The following VAV2 variants were observed in gnomAD, a reference collection of about 807,000 sequenced individuals.
VAV2 encodes vav guanine nucleotide exchange factor 2.
VAV2 carries 67 observed loss-of-function variants against 132.5 expected under a neutral mutation model. The observed-to-expected ratio is 0.51, with a 90% confidence interval of 0.42 to 0.62. VAV2 has a LOEUF of 0.62. Among genes scored for constraint, VAV2 ranks in the 20% least tolerant of loss-of-function variants. The probability of loss-of-function intolerance (pLI) is 0.00; values close to 1 mark genes in which losing one functional copy is unlikely to be tolerated. For missense variants in VAV2, 938 were observed against 1,153.6 expected (o/e 0.81, Z 2.71); for synonymous variants, 492 against 443.5 (o/e 1.11, Z -1.37).
In VAV2 at chr9:133,969,308, A is replaced by G. The variant is rs1842250639; in HGVS notation, c.204+22767T>C. ...TAGAGAATACAACGAACAGGGAAGG[A>G]GGGAGGATCTGGAATTCAGTCTGTG... On this transcript the variant is annotated intron_variant, in intron 1 of 29. Transcript: ENST00000371850. The surrounding 1 kb of genome is among the most constrained non-coding windows in gnomAD (Gnocchi z 5.1). Among the ~76,000 whole-genome samples the G allele has an allele frequency of 6.6e-6, 1 of 152,178 alleles. No individual in the cohort carries two copies. Among genetic ancestry groups the G allele is most frequent in the Non-Finnish European group, 1.5e-5 (1 of 68,018 alleles).
intron 1 of VAV2, among the ~76,000 whole-genome samples, chr9:133,959,050 GGGCCCA>G (rs3837293): frequency 0.65 from 98,053 of 151,290 alleles, 31,900 homozygotes; most frequent in East Asian, 0.77. Context: ...ACAGCCCCAG[GGGCCCA>G]GGCCCAGGCA....
At chr9:133,963,523 G>T (rs1007066999) in intron 1 of VAV2, among the ~76,000 whole-genome samples, 2 of 152,230 alleles carry the variant, frequency 1.3e-5, no homozygotes, top group Non-Finnish European at 2.9e-5. Context: ...AGCTCTCAGG[G>T]TGGCTATCCC....
At chr9:133,846,390 C>T (rs975379490) in intron 3 of VAV2, among the ~76,000 whole-genome samples, 2 of 152,258 alleles carry the variant, frequency 1.3e-5, no homozygotes, top group Non-Finnish European at 2.9e-5. Flanking sequence ...CCACTCCCAC[C>T]TGGGCGTCCA....
intron 3 of VAV2, among the ~76,000 whole-genome samples, chr9:133,851,694 G>T (rs1233827957): frequency 6.6e-6 from 1 of 151,224 alleles, no homozygotes; most frequent in African/African-American, 2.4e-5. Flanking sequence ...ATGGATGGAT[G>T]GATGAGTGGA....
chr9:133,946,851 T>C (rs1232884206), intron 1 of VAV2, among the ~76,000 whole-genome samples: 1 of 152,200 alleles, frequency 6.6e-6, no homozygotes, highest in East Asian at 1.9e-4. Flanking sequence ...ATCAGGTAGA[T>C]AAACAGGTGA....
intron 3 of VAV2, among the ~76,000 whole-genome samples, chr9:133,848,390 GC>G (rs1446121290): frequency 6.6e-6 from 1 of 152,144 alleles, no homozygotes; most frequent in African/African-American, 2.4e-5. Flanking sequence ...TTACTTCCTG[GC>G]AGGCGCTGGA....
intron 4 of VAV2, among the ~76,000 whole-genome samples, chr9:133,813,218 C>T (rs1284960939): frequency 6.6e-5 from 10 of 152,228 alleles, no homozygotes. Context: ...TGCACAAGGA[C>T]ACATCTCACA....
intron 1 of VAV2, among the ~76,000 whole-genome samples, chr9:133,972,480 T>C (rs1169726272): frequency 1.7e-5 from 1 of 57,228 alleles, no homozygotes; most frequent in Non-Finnish European, 3.3e-5. Context: ...GCCCATGTCA[T>C]TATTAAAGGC....
rs113662713 is a variant in VAV2, at chr9:133,764,232, A to G, written c.2590-123T>C. The G allele has an allele frequency of 1.3e-3, 1,647 of 1,233,852 alleles. 11 individuals carry two copies. The African/African-American group carries it at 0.021, about 16-fold the overall frequency. The allele number at this position is 1,233,852 out of a possible 1,614,324, so 76.4% of individuals were successfully genotyped here. Reference sequence around the variant, plus strand: ...AAGATGGGGGGCCCTTCGGAAGTCCAGAGTTCTCAGAAGGACCTGGTGGAA... The same window carrying G: ...AAGATGGGGGGCCCTTCGGAAGTCCGGAGTTCTCAGAAGGACCTGGTGGAA... On this transcript the variant is annotated intron_variant, in intron 29 of 29. Transcript: ENST00000371850.
intron 13 of VAV2, among the ~76,000 whole-genome samples, chr9:133,790,198 A>C (rs1386453361): frequency 6.6e-6 from 1 of 152,142 alleles, no homozygotes; most frequent in Non-Finnish European, 1.5e-5. Flanking sequence ...GTCGTTTTTG[A>C]GATAGTCTCA....
chr9:133,983,441 C>T (rs1009941652), intron 1 of VAV2, among the ~76,000 whole-genome samples: 3 of 152,152 alleles, frequency 2.0e-5, no homozygotes, highest in Admixed American at 6.5e-5. Flanking sequence ...TGCTCACCCA[C>T]GCCAGGCCCC....
In VAV2 at chr9:133,793,533, C is replaced by T. The variant is rs934241767; in HGVS notation, c.1102-1664G>A. Among the ~76,000 whole-genome samples, 5 of 152,100 alleles carry T rather than the reference C, an allele frequency of 3.3e-5. No homozygotes were observed. In the East Asian group the frequency reaches 9.7e-4, roughly 29 times the overall value. Reference sequence around the variant, plus strand: ...GGAATAAATTCCCAGAGACAAGGACCCCAGTAGCAAGTCTGGAGCTCAGGA... The same window carrying T: ...GGAATAAATTCCCAGAGACAAGGACTCCAGTAGCAAGTCTGGAGCTCAGGA... On this transcript the variant is annotated intron_variant, in intron 12 of 29. Transcript: ENST00000371850.
At chr9:133,777,347 C>CA in intron 23 of VAV2, 42 bp downstream of exon 23, 1 of 1,605,708 alleles carries the variant, frequency 6.2e-7, no homozygotes, top group Non-Finnish European at 8.5e-7. Flanking sequence ...CCTCAGCACC[C>CA]AGGCCACCGT....
intron 9 of VAV2, among the ~76,000 whole-genome samples, chr9:133,805,792 C>G (rs1835113197): frequency 1.3e-5 from 2 of 152,348 alleles, no homozygotes; most frequent in African/African-American, 4.8e-5. Context: ...TCCGCTGGGA[C>G]AGCCGAGCCA....
chr9:133,814,696 C>G (rs1028616912), intron 4 of VAV2, among the ~76,000 whole-genome samples: 1 of 152,228 alleles, frequency 6.6e-6, no homozygotes, highest in Non-Finnish European at 1.5e-5. Flanking sequence ...TGTGGGGTGT[C>G]CCAACAGAGC....
chr9:133,861,212 T>G, intron 3 of VAV2, 162 bp downstream of exon 3: 3 of 429,124 alleles, frequency 7.0e-6, no homozygotes, highest in Non-Finnish European at 3.8e-6. Context: ...CCCACACCCC[T>G]TCCTGCAGCC....
chr9:133,873,129 A>G (rs940695765), intron 2 of VAV2, among the ~76,000 whole-genome samples: 10 of 149,400 alleles, frequency 6.7e-5, no homozygotes, highest in Admixed American at 4.0e-4. Context: ...GGAGGGAGGA[A>G]GGAAGACAGG....
At chr9:133,774,330 C>T (rs1200484365) in intron 25 of VAV2, among the ~76,000 whole-genome samples, 1 of 152,248 alleles carries the variant, frequency 6.6e-6, no homozygotes, top group East Asian at 1.9e-4. Flanking sequence ...AGGCCAGGCA[C>T]ACAGAAGGCT....
At chr9:133,954,563 T>C (rs1841681798) in intron 1 of VAV2, among the ~76,000 whole-genome samples, 1 of 152,170 alleles carries the variant, frequency 6.6e-6, no homozygotes, top group South Asian at 2.1e-4. Flanking sequence ...CATGGGAGGC[T>C]GGGGGGAGCG....
Sources: allele counts gnomAD v4.1 joint callset (sites outside exome capture counted in the v4.1 genomes callset), GRCh38; gene constraint gnomAD v4.1.1; non-coding constraint Gnocchi (gnomAD v3.1); transcripts MANE v1.5; gene names NCBI Gene and HGNC (gene_info 2026-07-23, HGNC 2026-07-21).